Variants in BRD10 observed in about 807,000 individuals in gnomAD.
BRD10 encodes bromodomain containing 10, also known as uncharacterized bromodomain-containing protein 10.
chr9:5,893,702 C>T, the BRD10 span, among the ~76,000 whole-genome samples: 1 of 152,096 alleles, frequency 6.6e-6, no homozygotes, highest in African/African-American at 2.4e-5. Context: ...TTTTATGTCT[C>T]GTGTAAAAAT....
chr9:5,991,186 A>G, the BRD10 span, among the ~76,000 whole-genome samples: 1,145 of 11,792 alleles, frequency 0.097, 8 homozygotes, highest in Middle Eastern at 0.5. Flanking sequence ...GTGTGTATAT[A>G]TATATATATA....
At chr9:5,975,022 G>C in the BRD10 span, among the ~76,000 whole-genome samples, 1 of 152,130 alleles carries the variant, frequency 6.6e-6, no homozygotes, top group African/African-American at 2.4e-5. Flanking sequence ...CGCTCACCAA[G>C]GTAAAATTTA....
the BRD10 span, among the ~76,000 whole-genome samples, chr9:5,914,796 T>C: frequency 6.6e-6 from 1 of 152,138 alleles, no homozygotes; most frequent in East Asian, 1.9e-4. Context: ...ATTAGATCCA[T>C]TTAAGTACTG....
At chr9:5,961,384 T>C in the BRD10 span, among the ~76,000 whole-genome samples, 1 of 152,200 alleles carries the variant, frequency 6.6e-6, no homozygotes, top group African/African-American at 2.4e-5. Context: ...TGCTTGTCTC[T>C]ATATTCTTTA....
chr9:5,961,773 C>A, the BRD10 span, among the ~76,000 whole-genome samples: 5 of 151,982 alleles, frequency 3.3e-5, no homozygotes, highest in Non-Finnish European at 5.9e-5. Flanking sequence ...GAAAGAAACC[C>A]CAATTCTGAA....
chr9:5,886,366 G>C, the BRD10 span, among the ~76,000 whole-genome samples: 2 of 152,244 alleles, frequency 1.3e-5, no homozygotes, highest in African/African-American at 4.8e-5. Context: ...TGTGGGGGCT[G>C]AGCTGCCTCA....
At chr9:6,004,705 CTA>C in the BRD10 span, among the ~76,000 whole-genome samples, 174 of 152,294 alleles carry the variant, frequency 1.1e-3, 2 homozygotes, top group African/African-American at 4.0e-3. Context: ...TACAAATAAG[CTA>C]TGAGTCATCT....
the BRD10 span, chr9:5,920,995 C>A: frequency 1.2e-6 from 2 of 1,613,878 alleles, no homozygotes; most frequent in South Asian, 2.2e-5. Context: ...AGGCTGAGGT[C>A]ACTGGAAAGG....
At chr9:6,005,781 G>C in the BRD10 span, among the ~76,000 whole-genome samples, 1 of 151,696 alleles carries the variant, frequency 6.6e-6, no homozygotes, top group African/African-American at 2.4e-5. Context: ...TGGAGACAAG[G>C]GTAACAAACA....
chr9:5,897,940 G>A, the BRD10 span: 3 of 312,242 alleles, frequency 9.6e-6, no homozygotes, highest in African/African-American at 2.1e-5. Flanking sequence ...TTACAGTTGG[G>A]AGGCTGGGAA....
chr9:5,976,156 C>G, the BRD10 span, among the ~76,000 whole-genome samples: 1 of 152,016 alleles, frequency 6.6e-6, no homozygotes, highest in East Asian at 1.9e-4. Context: ...CTTTTAGTAG[C>G]CTTAAAGATA....
the BRD10 span, among the ~76,000 whole-genome samples, chr9:5,962,033 T>G: frequency 6.6e-6 from 1 of 152,208 alleles, no homozygotes; most frequent in African/African-American, 2.4e-5. Flanking sequence ...TTTGAATATG[T>G]TTGCTCTTGC....
the BRD10 span, among the ~76,000 whole-genome samples, chr9:5,964,656 C>T: frequency 6.9e-6 from 1 of 144,200 alleles, no homozygotes; most frequent in Non-Finnish European, 1.5e-5. Context: ...GGAACCAACC[C>T]AAATGTCCAA....
the BRD10 span, among the ~76,000 whole-genome samples, chr9:5,930,746 G>T: frequency 6.6e-6 from 1 of 152,086 alleles, no homozygotes; most frequent in African/African-American, 2.4e-5. Flanking sequence ...TGTTAAATGT[G>T]TTCTAAAGTA....
At chr9:5,919,581 C>CACACACACAA in the BRD10 span, 45 of 1,017,732 alleles carry the variant, frequency 4.4e-5, no homozygotes, top group African/African-American at 6.9e-4. Flanking sequence ...CACACACACA[C>CACACACACAA]ACAATGTATA....
At chr9:5,985,652 G>C in the BRD10 span, among the ~76,000 whole-genome samples, 6 of 152,118 alleles carry the variant, frequency 3.9e-5, no homozygotes, top group African/African-American at 1.2e-4. Context: ...GGGTGTGGTG[G>C]TGCTTGCCTG....
At chr9:6,005,448 T>C in the BRD10 span, among the ~76,000 whole-genome samples, 1 of 152,078 alleles carries the variant, frequency 6.6e-6, no homozygotes, top group African/African-American at 2.4e-5. Flanking sequence ...GAGGTTGCAG[T>C]GAGCTGAGAT....
chr9:5,897,134 C>T, the BRD10 span, among the ~76,000 whole-genome samples: 1 of 152,214 alleles, frequency 6.6e-6, no homozygotes, highest in African/African-American at 2.4e-5. Context: ...TTTAGCACAG[C>T]ACCTGGCTTT....
the BRD10 span, among the ~76,000 whole-genome samples, chr9:5,930,353 A>G: frequency 4.7e-5 from 6 of 127,550 alleles, no homozygotes; most frequent in African/African-American, 1.4e-4. Context: ...TAAATTTCCC[A>G]ATATATATAA....
Sources: allele counts gnomAD v4.1 joint callset (sites outside exome capture counted in the v4.1 genomes callset), GRCh38; gene constraint gnomAD v4.1.1; transcripts MANE v1.5; gene names NCBI Gene and HGNC (gene_info 2026-07-23, HGNC 2026-07-21).